The following PPARGC1A variants were observed in gnomAD, a reference collection of about 807,000 sequenced individuals.
The protein encoded by PPARGC1A is peroxisome proliferator-activated receptor gamma coactivator 1-alpha.
Under a neutral mutation model 88.7 loss-of-function variants are expected in PPARGC1A, and 25 were observed. That is an observed-to-expected ratio of 0.28 (90% CI 0.21 to 0.39). The LOEUF (loss-of-function observed/expected upper bound fraction) is 0.39, where lower values mean the gene tolerates loss of function less well. Among genes scored for constraint, PPARGC1A ranks in the 10% least tolerant of loss-of-function variants. PPARGC1A has a pLI of 1.00. For synonymous variants in PPARGC1A, 363 were observed against 355.6 expected (o/e 1.02, Z -0.24); for missense variants, 880 against 968.7 (o/e 0.91, Z 1.22).
upstream of PPARGC1A, among the ~76,000 whole-genome samples, chr4:23,894,418 A>G (rs541174548): frequency 9.3e-4 from 142 of 152,190 alleles, no homozygotes; most frequent in Non-Finnish European, 1.8e-3. Context: ...TATAACAAAG[A>G]CTTCTATTCT....
At chr4:24,154,224 G>A in the PPARGC1A span, among the ~76,000 whole-genome samples, 47 of 125,644 alleles carry the variant, frequency 3.7e-4, no homozygotes, top group Non-Finnish European at 8.0e-4. Flanking sequence ...CTCATAAGCT[G>A]TGTTCTACCA....
In PPARGC1A at chr4:23,828,613, CAA is replaced by C. The variant is rs780000150; in HGVS notation, c.553-11_553-10del. The C allele has an allele frequency of 1.2e-6, 2 of 1,613,568 alleles. No individual in the cohort carries two copies. Among genetic ancestry groups the C allele is most frequent in the East Asian group, 4.5e-5 (2 of 44,862 alleles). ...CTCCATGAATTCTCAGTCTTAAAAA[CAA>C]GGCATAAAGAAAGCTAAAATTAGTG... On this transcript the variant is annotated splice_polypyrimidine_tract_variant and intron_variant, in intron 4 of 12. Coordinates refer to ENST00000264867, the MANE Select transcript of PPARGC1A (RefSeq NM_013261.5).
the PPARGC1A span, among the ~76,000 whole-genome samples, chr4:23,947,908 G>A: frequency 2.0e-5 from 3 of 152,222 alleles, no homozygotes; most frequent in South Asian, 6.2e-4. Context: ...CTCCATCTCA[G>A]AAGCTCAGCA....
At chr4:24,091,434 T>C in the PPARGC1A span, 1 of 984,360 alleles carries the variant, frequency 1.0e-6, no homozygotes, top group Non-Finnish European at 1.2e-6. Flanking sequence ...TGAGAGAGAT[T>C]TGGGTCCTGT....
chr4:24,353,287 G>A, the PPARGC1A span, among the ~76,000 whole-genome samples: 1 of 147,164 alleles, frequency 6.8e-6, no homozygotes, highest in African/African-American at 2.5e-5. Flanking sequence ...ACAAAGCATT[G>A]CTGATTAGTA....
chr4:24,141,669 T>C, the PPARGC1A span, among the ~76,000 whole-genome samples: 1 of 152,180 alleles, frequency 6.6e-6, no homozygotes, highest in Non-Finnish European at 1.5e-5. Flanking sequence ...CATCGAAAAT[T>C]CAAAGAGAGG....
the PPARGC1A span, among the ~76,000 whole-genome samples, chr4:24,359,528 G>A: frequency 6.6e-6 from 1 of 150,436 alleles, no homozygotes; most frequent in Non-Finnish European, 1.5e-5. Context: ...ATTGAACTGT[G>A]TCCCCTCAAA....
the PPARGC1A span, among the ~76,000 whole-genome samples, chr4:24,415,113 T>C: frequency 6.6e-6 from 1 of 150,936 alleles, no homozygotes; most frequent in Non-Finnish European, 1.5e-5. Context: ...TCACTTGAAC[T>C]CCAGAGGTAG....
At chr4:24,047,301 G>A in the PPARGC1A span, among the ~76,000 whole-genome samples, 1 of 151,954 alleles carries the variant, frequency 6.6e-6, no homozygotes, top group East Asian at 1.9e-4. Flanking sequence ...TATTCTCATT[G>A]CCACTAGAAA....
chr4:23,835,886 G>C (rs1187414408), intron 2 of PPARGC1A, among the ~76,000 whole-genome samples: 2 of 152,094 alleles, frequency 1.3e-5, no homozygotes, highest in South Asian at 4.1e-4. Flanking sequence ...ATGTGACAAA[G>C]AGGACTCTGT....
the PPARGC1A span, among the ~76,000 whole-genome samples, chr4:23,978,511 C>T: frequency 6.6e-6 from 1 of 152,134 alleles, no homozygotes; most frequent in South Asian, 2.1e-4. Flanking sequence ...CCATCTTGCC[C>T]ACATCATCTA....
At chr4:23,946,675 A>G in the PPARGC1A span, among the ~76,000 whole-genome samples, 1 of 152,298 alleles carries the variant, frequency 6.6e-6, no homozygotes, top group Admixed American at 6.5e-5. Flanking sequence ...ACCAAAGTGT[A>G]GCAGATTGTT....
chr4:23,974,799 A>ATTTTTTTTTTTTTTTTTTTTTTT, the PPARGC1A span, among the ~76,000 whole-genome samples: 38 of 61,124 alleles, frequency 6.2e-4, 1 homozygote, highest in Admixed American at 9.9e-4. Context: ...GGCCCGGCTA[A>ATTTTTTTTTTTTTTTTTTTTTTT]TTTTTTTTTT....
At chr4:24,352,895 A>G in the PPARGC1A span, among the ~76,000 whole-genome samples, 3 of 152,122 alleles carry the variant, frequency 2.0e-5, no homozygotes, top group Non-Finnish European at 4.4e-5. Flanking sequence ...CTTTAAAACC[A>G]CCTATTAAAT....
the PPARGC1A span, among the ~76,000 whole-genome samples, chr4:24,005,178 A>C: frequency 6.6e-6 from 1 of 152,242 alleles, no homozygotes; most frequent in Non-Finnish European, 1.5e-5. Flanking sequence ...TGGCTTAAAG[A>C]AAATTACAAG....
chr4:24,355,693 A>G, the PPARGC1A span, among the ~76,000 whole-genome samples: 2 of 152,158 alleles, frequency 1.3e-5, no homozygotes, highest in Admixed American at 6.5e-5. Flanking sequence ...TATTGGCTGG[A>G]AAAGAGCAAA....
At chr4:23,848,089 A>G (rs1178638134) in intron 2 of PPARGC1A, among the ~76,000 whole-genome samples, 1 of 152,184 alleles carries the variant, frequency 6.6e-6, no homozygotes, top group Non-Finnish European at 1.5e-5. Flanking sequence ...GAAATCTGCC[A>G]TAGTTGTCCC....
chr4:23,983,006 C>T, the PPARGC1A span, among the ~76,000 whole-genome samples: 3 of 152,130 alleles, frequency 2.0e-5, no homozygotes, highest in Non-Finnish European at 4.4e-5. Flanking sequence ...TTTCACACTA[C>T]AATGGCAGCG....
chr4:24,320,412 T>C, the PPARGC1A span, among the ~76,000 whole-genome samples: 14 of 152,172 alleles, frequency 9.2e-5, no homozygotes, highest in Admixed American at 9.2e-4. Flanking sequence ...CTTGGCCAAG[T>C]CCAAAGGAAA....
Sources: allele counts gnomAD v4.1 joint callset (sites outside exome capture counted in the v4.1 genomes callset), GRCh38; gene constraint gnomAD v4.1.1; transcripts MANE v1.5; gene names NCBI Gene and HGNC (gene_info 2026-07-23, HGNC 2026-07-21).